OPCML: variants seen among roughly 807,000 people sequenced by gnomAD.
The protein encoded by OPCML is opioid binding protein/cell adhesion molecule like, also known as opioid-binding protein/cell adhesion molecule.
In OPCML, 13 loss-of-function variants were observed where a neutral mutation model predicts 37.8. The observed-to-expected ratio is 0.34, with a 90% CI of 0.22 to 0.55. The LOEUF is 0.55. Among genes scored for constraint, OPCML ranks in the 20% least tolerant of loss-of-function variants. The pLI, the probability that OPCML is intolerant of heterozygous loss-of-function variation, is 0.91. For synonymous variants in OPCML, 176 were observed against 168.8 expected, an observed-to-expected ratio of 1.04 and a Z score of -0.33; for missense variants, 341 against 435.6, an observed-to-expected ratio of 0.78 and a Z score of 1.93.
intron 2 of OPCML, among the ~76,000 whole-genome samples, chr11:132,937,618 G>A (rs1423491631): frequency 6.7e-6 from 1 of 149,698 alleles, no homozygotes; most frequent in Non-Finnish European, 1.5e-5. Flanking sequence ...GTGTGTGTGT[G>A]TGTGTGTGTG....
At chr11:132,695,053 C>T (rs1297202885) in intron 2 of OPCML, among the ~76,000 whole-genome samples, 4 of 152,280 alleles carry the variant, frequency 2.6e-5, no homozygotes, top group South Asian at 2.1e-4. Context: ...ACAGCATGTG[C>T]GTTTTATCAC....
chr11:132,540,661 G>A (rs2096354146), intron 3 of OPCML, among the ~76,000 whole-genome samples: 1 of 152,184 alleles, frequency 6.6e-6, no homozygotes, highest in Non-Finnish European at 1.5e-5. Context: ...AGAAATGATA[G>A]GGAATGAGAA....
intron 1 of OPCML, among the ~76,000 whole-genome samples, chr11:133,458,726 T>C (rs180692408): frequency 7.1e-6 from 1 of 140,932 alleles, no homozygotes; most frequent in African/African-American, 3.1e-5. Context: ...TGTGTATATA[T>C]ACACATAGAT....
At chr11:133,257,355 G>A (rs1941344887) in intron 1 of OPCML, among the ~76,000 whole-genome samples, 1 of 152,228 alleles carries the variant, frequency 6.6e-6, no homozygotes, top group African/African-American at 2.4e-5. Flanking sequence ...GAGAAAGGCA[G>A]CCCTGTGGGA....
At chr11:132,841,423 G>T (rs1436903282) in intron 2 of OPCML, among the ~76,000 whole-genome samples, 1 of 152,140 alleles carries the variant, frequency 6.6e-6, no homozygotes, top group Non-Finnish European at 1.5e-5. Context: ...ACTGTAGAGG[G>T]CCAGGCCTGC....
At chr11:133,110,642 C>T (rs1949235459) in intron 1 of OPCML, among the ~76,000 whole-genome samples, 1 of 152,144 alleles carries the variant, frequency 6.6e-6, no homozygotes, top group Admixed American at 6.5e-5. Context: ...TCTTCTCATT[C>T]TGGGTTCAGT....
At chr11:132,994,678 A>C (rs1946850057) in intron 1 of OPCML, among the ~76,000 whole-genome samples, 1 of 152,150 alleles carries the variant, frequency 6.6e-6, no homozygotes, top group Non-Finnish European at 1.5e-5. Context: ...AGTTCAGTTT[A>C]AATTAAATGT....
At chr11:132,937,476 G>T (rs1241090744) in intron 2 of OPCML, among the ~76,000 whole-genome samples, 1 of 137,702 alleles carries the variant, frequency 7.3e-6, no homozygotes, top group Non-Finnish European at 1.6e-5. Flanking sequence ...CAAACAGGGG[G>T]ACAGAGAGAG....
chr11:133,189,102 C>G (rs1315448258), intron 1 of OPCML, among the ~76,000 whole-genome samples: 1 of 152,212 alleles, frequency 6.6e-6, no homozygotes, highest in Admixed American at 6.5e-5. Flanking sequence ...CATCCATCCA[C>G]TTGCCCAAAT....
chr11:133,196,364 T>C (rs1031795167), intron 1 of OPCML, among the ~76,000 whole-genome samples: 2 of 152,228 alleles, frequency 1.3e-5, no homozygotes, highest in African/African-American at 4.8e-5. Context: ...CATGGGGACT[T>C]CAGTGACTGG....
chr11:132,656,143 G>A (rs1266991355), intron 3 of OPCML, among the ~76,000 whole-genome samples: 2 of 152,072 alleles, frequency 1.3e-5, no homozygotes, highest in Non-Finnish European at 2.9e-5. Context: ...CGGAACTAAT[G>A]TGCTTACAAC....
intron 2 of OPCML, among the ~76,000 whole-genome samples, chr11:132,910,031 A>T (rs977952781): frequency 6.6e-6 from 1 of 152,224 alleles, no homozygotes; most frequent in Non-Finnish European, 1.5e-5. Flanking sequence ...GAAGACAGGG[A>T]GTGAGCAAGG....
At chr11:132,612,177 A>T (rs1411487429) in intron 3 of OPCML, among the ~76,000 whole-genome samples, 1 of 152,208 alleles carries the variant, frequency 6.6e-6, no homozygotes, top group Non-Finnish European at 1.5e-5. Flanking sequence ...TCTCAGGAAG[A>T]GTTTTCTCAC....
chr11:133,156,628 C>T (rs1950066432), intron 1 of OPCML, among the ~76,000 whole-genome samples: 1 of 152,128 alleles, frequency 6.6e-6, no homozygotes, highest in Non-Finnish European at 1.5e-5. Flanking sequence ...TTGAGTTGTT[C>T]ATAAAATAAA....
intron 4 of OPCML, among the ~76,000 whole-genome samples, chr11:132,508,151 G>A (rs964167513): frequency 3.3e-5 from 5 of 152,050 alleles, no homozygotes; most frequent in African/African-American, 1.2e-4. Context: ...ATACTGCTTT[G>A]GAATACGTTG....
intron 2 of OPCML, among the ~76,000 whole-genome samples, chr11:132,738,330 T>C (rs1325433472): frequency 6.6e-6 from 1 of 152,148 alleles, no homozygotes; most frequent in East Asian, 1.9e-4. Flanking sequence ...TGCCAGAAAG[T>C]TTTACAAGCT....
chr11:133,408,402 A>G (rs1945568394), intron 1 of OPCML, among the ~76,000 whole-genome samples: 2 of 152,244 alleles, frequency 1.3e-5, no homozygotes, highest in South Asian at 4.1e-4. Flanking sequence ...AAACTATTAG[A>G]AAGATGGCGG....
chr11:133,319,814 C>A (rs1317474362), intron 1 of OPCML, among the ~76,000 whole-genome samples: 1 of 152,156 alleles, frequency 6.6e-6, no homozygotes, highest in Non-Finnish European at 1.5e-5. Context: ...CCTGAGGTCG[C>A]CCTGGAGGAA....
chr11:132,844,439 G>T (rs374953817), intron 2 of OPCML, among the ~76,000 whole-genome samples: 1 of 152,154 alleles, frequency 6.6e-6, no homozygotes, highest in Non-Finnish European at 1.5e-5. Flanking sequence ...GTGCATGGTG[G>T]GGGGAGGTAT....
Sources: allele counts gnomAD v4.1 joint callset (sites outside exome capture counted in the v4.1 genomes callset), GRCh38; gene constraint gnomAD v4.1.1; transcripts MANE v1.5; gene names NCBI Gene and HGNC (gene_info 2026-07-23, HGNC 2026-07-21).